The following SLC35D1 variants were observed in gnomAD, a reference collection of about 807,000 sequenced individuals.
SLC35D1 encodes the protein nucleotide sugar transporter SLC35D1.
SLC35D1 carries 31 observed loss-of-function variants against 46.7 expected under a neutral mutation model. That is an observed-to-expected ratio of 0.66 (90% CI 0.50 to 0.90). The LOEUF is 0.90. SLC35D1 is among the 40% of genes least tolerant of loss of function. The pLI, the probability that SLC35D1 is intolerant of heterozygous loss-of-function variation, is 0.00. For missense variants in SLC35D1, 397 were observed against 426.2 expected, an observed-to-expected ratio of 0.93 and a Z score of 0.60; for synonymous variants, 195 against 164.6, an observed-to-expected ratio of 1.18 and a Z score of -1.41.
At chr1:66,997,519 A>AATATATATAT (rs35571347), downstream of SLC35D1, among the ~76,000 whole-genome samples, 2,992 of 73,862 alleles carry the variant, frequency 0.041, 87 homozygotes, top group Middle Eastern at 0.078. Flanking sequence ...AAAAAAAAAA[A>AATATATATAT]ATATATATAT....
At chr1:67,045,660 C>G (rs928228890) in intron 7 of SLC35D1, among the ~76,000 whole-genome samples, 1 of 152,004 alleles carries the variant, frequency 6.6e-6, no homozygotes, top group African/African-American at 2.4e-5. Flanking sequence ...GATTTTTTTT[C>G]TAGATTCTAG....
intron 10 of SLC35D1, 108 bp downstream of exon 10, chr1:67,020,261 G>T: frequency 1.3e-6 from 1 of 747,030 alleles, no homozygotes. Context: ...AAGACAGTAT[G>T]TGAGGAAATA....
chr1:67,025,963 TATC>T (rs1418375415), intron 8 of SLC35D1, among the ~76,000 whole-genome samples: 2 of 152,168 alleles, frequency 1.3e-5, no homozygotes, highest in Non-Finnish European at 2.9e-5. Flanking sequence ...TTTCTACATA[TATC>T]ATCATGTTTT....
intron 8 of SLC35D1, among the ~76,000 whole-genome samples, chr1:67,033,137 T>C (rs1221169493): frequency 6.6e-6 from 1 of 152,208 alleles, no homozygotes; most frequent in Non-Finnish European, 1.5e-5. Flanking sequence ...TCTTTATCCA[T>C]TCATTCGCTG....
chr1:66,984,972 C>CTTAAA, the SLC35D1 span: 9 of 1,476,028 alleles, frequency 6.1e-6, no homozygotes, highest in Non-Finnish European at 8.1e-6. Context: ...GATGGGTTAC[C>CTTAAA]TTAAAAAGTT....
At chr1:67,032,218 A>G (rs2102315617) in intron 8 of SLC35D1, 1 of 327,220 alleles carries the variant, frequency 3.1e-6, no homozygotes, top group Non-Finnish European at 4.4e-6. Context: ...GAGTGAAAAC[A>G]ATGTCCCATA....
chr1:67,049,327 A>G (rs1031702493), intron 6 of SLC35D1, among the ~76,000 whole-genome samples: 1 of 152,126 alleles, frequency 6.6e-6, no homozygotes, highest in Non-Finnish European at 1.5e-5. Flanking sequence ...CATGGTTTAT[A>G]AAAACACACA....
intron 8 of SLC35D1, among the ~76,000 whole-genome samples, chr1:67,025,265 C>T (rs1322700334): frequency 6.6e-6 from 1 of 152,202 alleles, no homozygotes; most frequent in Admixed American, 6.5e-5. Flanking sequence ...GTATATTCCA[C>T]AAGGTCACAG....
intron 7 of SLC35D1, 97 bp downstream of exon 7, chr1:67,047,168 T>TA (rs1366856814): frequency 1.1e-6 from 1 of 896,772 alleles, no homozygotes; most frequent in African/African-American, 1.6e-5. Context: ...GTCTTTCTCA[T>TA]CCCCAGTAAG....
intron 10 of SLC35D1, among the ~76,000 whole-genome samples, chr1:67,010,795 C>T (rs1667550235): frequency 6.6e-6 from 1 of 152,266 alleles, no homozygotes; most frequent in Admixed American, 6.5e-5. Flanking sequence ...AAAAATTTTA[C>T]CCCCAAATAT....
chr1:66,991,139 C>T, the SLC35D1 span, among the ~76,000 whole-genome samples: 1 of 152,176 alleles, frequency 6.6e-6, no homozygotes, highest in Non-Finnish European at 1.5e-5. Flanking sequence ...CCAGTTACTG[C>T]ATCACTGGTA....
rs920330019 is a variant in SLC35D1 at position 67,042,278 on chromosome 1, C to A, written c.687G>T (p.Leu229=). ...LLYYNALFMI[L]PTLAIAYFTG... is the part of the protein sequence containing the mutation. ...TGAAATACGCAATGGCCAGGGTGGG[C>A]AGAATCATGAACAGTGCATTGTAAT... Residue 229 remains leucine (L), a synonymous_variant, in exon 8 of 12, where the codon CTG becomes CTT. Transcript: ENST00000235345. 1 of 1,614,126 alleles carries A rather than the reference C, an allele frequency of 6.2e-7. No homozygotes were observed. The highest frequency in any genetic ancestry group is 8.5e-7 in the Non-Finnish European group (1 of 1,180,008).
At chr1:67,022,573 G>C (rs1022889648) in intron 8 of SLC35D1, among the ~76,000 whole-genome samples, 2 of 152,000 alleles carry the variant, frequency 1.3e-5, no homozygotes, top group Non-Finnish European at 2.9e-5. Context: ...TTGTCTCTTC[G>C]AACTGTAAAT....
the SLC35D1 span, among the ~76,000 whole-genome samples, chr1:66,989,999 T>C: frequency 6.6e-6 from 1 of 152,222 alleles, no homozygotes; most frequent in Non-Finnish European, 1.5e-5. Flanking sequence ...CTAGTTCTGC[T>C]TAGGAGCTAA....
In SLC35D1 at chr1:67,020,411, C is replaced by CTGCG; in HGVS notation, c.830_833dup (p.Gln278HisfsTer4). The CTGCG allele has an allele frequency of 6.2e-7, 1 of 1,611,264 alleles. No individual in the cohort carries two copies. Among genetic ancestry groups the CTGCG allele is most frequent in the Non-Finnish European group, 8.5e-7 (1 of 1,177,524 alleles). On this transcript the variant is annotated frameshift_variant, in exon 10 of 12. Coordinates refer to ENST00000235345, the MANE Select transcript of SLC35D1 (RefSeq NM_015139.3). LOFTEE classifies it high-confidence loss of function. ...TTGTAGTTGTAAGAGCAGAATTATA[C>CTGCG]TGCGTGCAGAGTACTGTGGCGTACA...
At chr1:67,046,028 T>C (rs1342882111) in intron 7 of SLC35D1, among the ~76,000 whole-genome samples, 1 of 152,150 alleles carries the variant, frequency 6.6e-6, no homozygotes, top group Non-Finnish European at 1.5e-5. Context: ...GTAGCTTCCA[T>C]TAAAATGTAA....
chr1:66,993,349 AGAGTT>A, the SLC35D1 span, among the ~76,000 whole-genome samples: 4 of 152,174 alleles, frequency 2.6e-5, no homozygotes, highest in East Asian at 5.8e-4. Flanking sequence ...AGGACACCTT[AGAGTT>A]GGTCACTAAG....
intron 7 of SLC35D1, among the ~76,000 whole-genome samples, chr1:67,044,848 T>C (rs1366663336): frequency 6.6e-6 from 1 of 152,202 alleles, no homozygotes; most frequent in Non-Finnish European, 1.5e-5. Flanking sequence ...GCCCTGCCTA[T>C]GGAGTAGCCA....
intron 8 of SLC35D1, among the ~76,000 whole-genome samples, chr1:67,035,805 C>CTTTTTTTTTTTTTTTTTTTTTTTTTTTT (rs71058492): frequency 7.5e-6 from 1 of 133,388 alleles, no homozygotes; most frequent in Non-Finnish European, 1.6e-5. Context: ...TGAAGTTTTT[C>CTTTTTTTTTTTTTTTTTTTTTTTTTTTT]TTTTTTTTTT....
Sources: allele counts gnomAD v4.1 joint callset (sites outside exome capture counted in the v4.1 genomes callset), GRCh38; gene constraint gnomAD v4.1.1; transcripts MANE v1.5; gene names NCBI Gene and HGNC (gene_info 2026-07-23, HGNC 2026-07-21).